The following PCLO variants were observed in gnomAD, a reference collection of about 807,000 sequenced individuals.
The protein encoded by PCLO is piccolo presynaptic cytomatrix protein.
A neutral mutation model predicts 427.5 loss-of-function variants in PCLO; 82 were observed. That is an observed-to-expected ratio of 0.19 (90% CI 0.16 to 0.23). The LOEUF (loss-of-function observed/expected upper bound fraction) is 0.23. PCLO is among the 10% of genes least tolerant of loss of function. The probability of loss-of-function intolerance (pLI) is 1.00; values close to 1 mark genes in which losing one functional copy is unlikely to be tolerated. For synonymous variants in PCLO, 2,357 were observed against 2,155.4 expected (o/e 1.09, Z -2.59); for missense variants, 6,239 against 6,115.9 (o/e 1.02, Z -0.67).
intron 22 of PCLO, among the ~76,000 whole-genome samples, chr7:82,782,266 G>A (rs918412969): frequency 2.6e-5 from 4 of 152,076 alleles, no homozygotes; most frequent in South Asian, 2.1e-4. Context: ...AACCTCTGAC[G>A]TTTGGTCACA....
chr7:83,094,141 T>A lies in PCLO; in HGVS notation c.3300+40109A>T, dbSNP rs147360719. ...TAATTTATTTCCTATTTCTATAATT[T>A]TGTCATTTCAAGAATGTTATATAGA... is the stretch of plus-strand genomic sequence containing the variant. On this transcript the variant is annotated intron_variant, in intron 3 of 24. Transcript: ENST00000333891. Among the ~76,000 whole-genome samples, 1,104 of 151,844 alleles carry A rather than the reference T, an allele frequency of 7.3e-3. 21 individuals are homozygous for A. Among genetic ancestry groups the A allele is most frequent in the African/African-American group, 0.024 (995 of 41,448 alleles).
intron 6 of PCLO, among the ~76,000 whole-genome samples, chr7:82,926,238 A>T (rs1794709278): frequency 6.6e-6 from 1 of 152,206 alleles, no homozygotes; most frequent in African/African-American, 2.4e-5. Context: ...GTTTCTATGA[A>T]TTAAGGCAAT....
intron 22 of PCLO, 36 bp from the exon 23 acceptor site, chr7:82,761,529 A>G (rs907667757): frequency 6.7e-7 from 1 of 1,485,162 alleles, no homozygotes; most frequent in Non-Finnish European, 9.3e-7. Flanking sequence ...AGAAGTATGT[A>G]ATGCCATATA....
chr7:83,065,997 C>A (rs1789662080), intron 3 of PCLO, among the ~76,000 whole-genome samples: 1 of 152,062 alleles, frequency 6.6e-6, no homozygotes, highest in South Asian at 2.1e-4. Context: ...CTGCTGTATT[C>A]ATCCATGTTT....
chr7:83,002,497 A>T (rs6978063), intron 3 of PCLO, among the ~76,000 whole-genome samples: 39,837 of 151,592 alleles, frequency 0.26, 6,583 homozygotes, highest in East Asian at 0.59. Flanking sequence ...ACATACTCTA[A>T]AATCATACTT....
chr7:83,024,745 G>A (rs1788442789), intron 3 of PCLO, among the ~76,000 whole-genome samples: 1 of 152,168 alleles, frequency 6.6e-6, no homozygotes, highest in African/African-American at 2.4e-5. Context: ...CTCCCAGTAC[G>A]CAGCTGGAGA....
chr7:82,962,407 C>T (rs73385993), intron 4 of PCLO, among the ~76,000 whole-genome samples: 3,239 of 152,052 alleles, frequency 0.021, 126 homozygotes, highest in African/African-American at 0.074. Flanking sequence ...AATCAAACTA[C>T]ATTCCTTTGT....
intron 8 of PCLO, among the ~76,000 whole-genome samples, chr7:82,907,038 A>C (rs910873320): frequency 6.6e-6 from 1 of 151,892 alleles, no homozygotes; most frequent in African/African-American, 2.4e-5. Flanking sequence ...CAAAACCATA[A>C]ATCTGTATAT....
At chr7:82,811,349 G>C (rs1791565868) in intron 20 of PCLO, among the ~76,000 whole-genome samples, 1 of 151,102 alleles carries the variant, frequency 6.6e-6, no homozygotes. Flanking sequence ...TTCTTTCTCT[G>C]TCCATCCCTC....
intron 6 of PCLO, among the ~76,000 whole-genome samples, chr7:82,942,311 T>C (rs1308268951): frequency 4.6e-5 from 7 of 152,224 alleles, no homozygotes. Context: ...TCTCCCATGT[T>C]AAACTGGCAT....
chr7:83,007,601 T>G (rs1326780434), intron 3 of PCLO, among the ~76,000 whole-genome samples: 1 of 151,578 alleles, frequency 6.6e-6, no homozygotes, highest in African/African-American at 2.4e-5. Flanking sequence ...CATTTCTTAT[T>G]AACTAGTGGA....
intron 3 of PCLO, among the ~76,000 whole-genome samples, chr7:83,118,674 G>A (rs974930884): frequency 2.0e-5 from 3 of 152,148 alleles, no homozygotes; most frequent in Admixed American, 1.3e-4. Context: ...AGCCAGAGGG[G>A]AATCCTCTAC....
At chr7:83,066,144 T>C (rs1177823969) in intron 3 of PCLO, among the ~76,000 whole-genome samples, 1 of 152,112 alleles carries the variant, frequency 6.6e-6, no homozygotes, top group Non-Finnish European at 1.5e-5. Context: ...CTATGAAAAG[T>C]TATTGCTAAC....
intron 2 of PCLO, among the ~76,000 whole-genome samples, chr7:83,151,247 T>C (rs1440421160): frequency 6.6e-6 from 1 of 152,212 alleles, no homozygotes; most frequent in Non-Finnish European, 1.5e-5. Context: ...ACTAATACTG[T>C]TGATCGAATG....
chr7:82,898,320 T>C (rs1355928131), intron 9 of PCLO, among the ~76,000 whole-genome samples: 1 of 151,482 alleles, frequency 6.6e-6, no homozygotes, highest in African/African-American at 2.4e-5. Flanking sequence ...AGGGTCCCAT[T>C]GACATTACTT....
Position 82,954,605 on chromosome 7 carries a change from A to G in PCLO, c.6348T>C (p.Leu2116=). The G allele has an allele frequency of 1.2e-6, 2 of 1,613,926 alleles. No individual in the cohort carries two copies. Among genetic ancestry groups the G allele is most frequent in the South Asian group, 1.1e-5 (1 of 91,084 alleles). Residue 2116 remains leucine, a synonymous_variant, in exon 5 of 25, where the codon CTT becomes CTC. Transcript: ENST00000333891. ...GTGTTGCACTGCTGGTCGAATCTGT[A>G]AGAGACGCTCCTGAGAGAACACTTG... ...LTSSVLSGAS[L]TDSTSSATLS...
chr7:83,066,801 C>T (rs943358616), intron 3 of PCLO, among the ~76,000 whole-genome samples: 1 of 152,040 alleles, frequency 6.6e-6, no homozygotes, highest in African/African-American at 2.4e-5. Context: ...TAATACGGGC[C>T]TTAGACATAA....
At chr7:82,842,521 C>G (rs1792392727) in intron 13 of PCLO, among the ~76,000 whole-genome samples, 1 of 151,954 alleles carries the variant, frequency 6.6e-6, no homozygotes, top group African/African-American at 2.4e-5. Flanking sequence ...GCACAGGCAA[C>G]AAAAGCAAAA....
intron 6 of PCLO, among the ~76,000 whole-genome samples, chr7:82,923,582 G>T (rs1202036871): frequency 6.6e-6 from 1 of 152,094 alleles, no homozygotes; most frequent in Non-Finnish European, 1.5e-5. Context: ...ATGTTAGGTA[G>T]CAATCAGTGT....
Sources: gnomAD v4.1 joint callset for allele counts (sites outside exome capture counted in the v4.1 genomes callset) on GRCh38, gnomAD v4.1.1 for gene constraint, MANE v1.5 for transcripts, NCBI Gene and HGNC (gene_info 2026-07-23, HGNC 2026-07-21) for gene names.